Variants in ERBB4 observed in about 807,000 individuals in gnomAD.
The protein encoded by ERBB4 is erb-b2 receptor tyrosine kinase 4, also known as receptor tyrosine-protein kinase erbB-4.
In ERBB4, 42 loss-of-function variants were observed where a neutral mutation model predicts 158.0. The observed-to-expected ratio is 0.27, with a 90% CI of 0.21 to 0.34. The LOEUF is 0.34. ERBB4 is among the 10% of genes least tolerant of loss of function. The pLI, the probability that ERBB4 is intolerant of heterozygous loss-of-function variation, is 1.00. For missense variants in ERBB4, 1,333 were observed against 1,624.1 expected (o/e 0.82, Z 3.08); for synonymous variants, 583 against 558.7 (o/e 1.04, Z -0.61).
At chr2:211,676,400 G>C (rs1233662139) in intron 13 of ERBB4, among the ~76,000 whole-genome samples, 1 of 152,144 alleles carries the variant, frequency 6.6e-6, no homozygotes, top group Non-Finnish European at 1.5e-5. Flanking sequence ...AAACAGTGTG[G>C]TAATCAGTGT....
chr2:211,682,081 C>T (rs924882200), intron 12 of ERBB4, among the ~76,000 whole-genome samples: 3 of 150,514 alleles, frequency 2.0e-5, no homozygotes, highest in Admixed American at 6.7e-5. Flanking sequence ...CACACACACA[C>T]ACACACACAC....
At chr2:211,430,206 G>T (rs1343732917) in intron 21 of ERBB4, among the ~76,000 whole-genome samples, 3 of 151,948 alleles carry the variant, frequency 2.0e-5, no homozygotes, top group African/African-American at 7.2e-5. Context: ...GTTGTTGTTA[G>T]TGTAAGCTTA....
chr2:211,443,728 G>C (rs2064042380), intron 20 of ERBB4, among the ~76,000 whole-genome samples: 1 of 151,972 alleles, frequency 6.6e-6, no homozygotes. Context: ...TGCAGCCATA[G>C]GCACGTTAGA....
At chr2:212,029,951 G>T (rs1200276975) in intron 2 of ERBB4, among the ~76,000 whole-genome samples, 1 of 152,018 alleles carries the variant, frequency 6.6e-6, no homozygotes, top group African/African-American at 2.4e-5. Flanking sequence ...TGCCACATAA[G>T]GTTTTGCAAG....
rs558645216 is a variant in ERBB4, at chr2:211,657,533, G to A, written c.1946+221C>T. On this transcript the variant is annotated intron_variant, in intron 16 of 27. Transcript: ENST00000342788. ...CCAAAAAAAAAAAAAAGAAATCGAT[G>A]GTGTTACTAACTGGGACTCTTGTAT... 1.1e-4 allele frequency: 60 copies of A among 535,414 alleles called. No homozygotes were observed. In the South Asian group the frequency reaches 1.1e-3, roughly 10 times the overall value. 33.2% of individuals were successfully genotyped at this position (535,414 alleles called of 1,614,324 possible). A position where few individuals can be genotyped will look rare whatever the true frequency, so the allele number is the denominator to read the frequency against.
At chr2:212,223,325 A>G (rs1029270708) in intron 1 of ERBB4, among the ~76,000 whole-genome samples, 4 of 96,758 alleles carry the variant, frequency 4.1e-5, no homozygotes, top group Non-Finnish European at 8.5e-5. Context: ...CAATATCCTT[A>G]TTAAGCTTAT....
rs757596439 is a variant in ERBB4, at chr2:211,420,620, A to C, written c.2965-9T>G. The C allele has an allele frequency of 1.8e-5, 28 of 1,586,834 alleles. No individual in the cohort carries two copies. The highest frequency in any genetic ancestry group is 6.6e-5 in the South Asian group (6 of 90,622). ...TTCATACGATCATCACCCTAAAAGA[A>C]AGATTGCCCATCAGACACAAATATG... On this transcript the variant is annotated splice_polypyrimidine_tract_variant and intron_variant, in intron 24 of 27. Transcript: ENST00000342788.
chr2:211,734,664 T>C (rs1304415827), intron 5 of ERBB4, among the ~76,000 whole-genome samples: 3 of 143,696 alleles, frequency 2.1e-5, no homozygotes, highest in East Asian at 2.0e-4. Flanking sequence ...CTCACGGCTG[T>C]AATCCCAGCA....
At chr2:211,455,158 C>G (rs185956637) in intron 20 of ERBB4, among the ~76,000 whole-genome samples, 1 of 152,308 alleles carries the variant, frequency 6.6e-6, no homozygotes, top group Admixed American at 6.5e-5. Context: ...TTAATATGAT[C>G]ATCTATTTCA....
At chr2:211,648,647 G>T (rs2070869396) in intron 16 of ERBB4, among the ~76,000 whole-genome samples, 1 of 151,698 alleles carries the variant, frequency 6.6e-6, no homozygotes, top group Non-Finnish European at 1.5e-5. Flanking sequence ...TTTCTTGGGA[G>T]AAATCACTTT....
chr2:211,668,215 C>T (rs368701212), intron 14 of ERBB4, among the ~76,000 whole-genome samples: 2 of 152,202 alleles, frequency 1.3e-5, no homozygotes, highest in East Asian at 1.9e-4. Flanking sequence ...TTGCATATGT[C>T]CATCACTAAC....
At chr2:212,156,184 A>G (rs940289309) in intron 1 of ERBB4, among the ~76,000 whole-genome samples, 3 of 152,102 alleles carry the variant, frequency 2.0e-5, no homozygotes, top group Admixed American at 6.6e-5. Flanking sequence ...ACCTTCCCTG[A>G]CATTTCCTCT....
intron 20 of ERBB4, among the ~76,000 whole-genome samples, chr2:211,466,069 T>G (rs2064679357): frequency 6.6e-6 from 1 of 152,136 alleles, no homozygotes; most frequent in Non-Finnish European, 1.5e-5. Flanking sequence ...AGCAAAGTAG[T>G]GAAGTCCTTG....
rs190327648 is a variant in ERBB4 at position 211,715,987 on chromosome 2, C to T, written c.884-2339G>A. Among the ~76,000 whole-genome samples the T allele has an allele frequency of 1.0e-3, 153 of 152,300 alleles. 1 individual carries two copies. Among genetic ancestry groups the T allele is most frequent in the Non-Finnish European group, 1.5e-4 (10 of 68,034 alleles). ...ATATCAGTTAGATTCAAGTTTTGCA[C>T]CCAAACGAGTTTCAGAAAATGCATG... On this transcript the variant is annotated intron_variant, in intron 7 of 27. Coordinates refer to ENST00000342788, the MANE Select transcript of ERBB4 (RefSeq NM_005235.3).
At chr2:211,835,050 A>G (rs772448351) in intron 3 of ERBB4, among the ~76,000 whole-genome samples, 7 of 152,144 alleles carry the variant, frequency 4.6e-5, no homozygotes, top group Non-Finnish European at 8.8e-5. Context: ...CAATCTCCTC[A>G]TAGGGAATAT....
At chr2:211,781,745 T>C (rs1178116753) in intron 4 of ERBB4, among the ~76,000 whole-genome samples, 2 of 152,196 alleles carry the variant, frequency 1.3e-5, no homozygotes, top group Admixed American at 1.3e-4. Context: ...TTAACTCATT[T>C]ATTGCTCGTA....
chr2:212,217,357 C>A (rs1261709916), intron 1 of ERBB4, among the ~76,000 whole-genome samples: 2 of 151,366 alleles, frequency 1.3e-5, no homozygotes, highest in Admixed American at 1.3e-4. Context: ...TGTTATTTAA[C>A]CCTTAAAACT....
intron 2 of ERBB4, among the ~76,000 whole-genome samples, chr2:212,101,345 C>CTCTACATATATATATA (rs2079074873): frequency 1.0e-5 from 1 of 98,182 alleles, no homozygotes; most frequent in Non-Finnish European, 2.7e-5. Context: ...CACACACACC[C>CTCTACATATATATATA]TATACATATA....
intron 3 of ERBB4, among the ~76,000 whole-genome samples, chr2:211,826,520 T>A (rs940901018): frequency 6.6e-6 from 1 of 151,932 alleles, no homozygotes; most frequent in African/African-American, 2.4e-5. Context: ...TATTGCAGAC[T>A]ATCTCCCCAA....
Sources: allele counts gnomAD v4.1 joint callset (sites outside exome capture counted in the v4.1 genomes callset), GRCh38; gene constraint gnomAD v4.1.1; transcripts MANE v1.5; gene names NCBI Gene and HGNC (gene_info 2026-07-23, HGNC 2026-07-21).